Variants in SEMA3C observed in about 807,000 individuals in gnomAD.
SEMA3C encodes the protein semaphorin-3C.
In SEMA3C, 47 loss-of-function variants were observed where a neutral mutation model predicts 89.4. The ratio of observed to expected loss-of-function variants is 0.53; its 90% confidence interval spans 0.42 to 0.67. SEMA3C has a LOEUF of 0.67. Ranked by LOEUF, SEMA3C falls within the 30% of genes least tolerant of loss-of-function variation. The pLI, the probability that SEMA3C is intolerant of heterozygous loss-of-function variation, is 0.00. For missense variants in SEMA3C, 839 were observed against 929.1 expected (o/e 0.90, Z 1.26); for synonymous variants, 310 against 320.2 (o/e 0.97, Z 0.34).
chr7:80,827,406 T>G lies in SEMA3C; in HGVS notation c.327+19A>C, dbSNP rs555403726. ...TTTAAGTTAGTGTTTTTTTTTTTTTTTTTTTTTTTAACACTTACTGTGGGA... is the reference window on the plus strand; with the variant it reads ...TTTAAGTTAGTGTTTTTTTTTTTTTGTTTTTTTTTAACACTTACTGTGGGA... On this transcript the variant is annotated intron_variant, in intron 4 of 17. Coordinates refer to ENST00000265361, the MANE Select transcript of SEMA3C (RefSeq NM_006379.5). The G allele has an allele frequency of 8.7e-5, 131 of 1,498,886 alleles. No individual in the cohort carries two copies. The highest frequency in any genetic ancestry group is 1.1e-4 in the Non-Finnish European group (126 of 1,130,078). The allele number at this position is 1,498,886 out of a possible 1,614,324, so 92.8% of individuals were successfully genotyped here. A position where few individuals can be genotyped will look rare whatever the true frequency, so the allele number is the denominator to read the frequency against.
At chr7:80,851,601 G>A (rs1237309747) in intron 2 of SEMA3C, among the ~76,000 whole-genome samples, 2 of 147,486 alleles carry the variant, frequency 1.4e-5, no homozygotes, top group Non-Finnish European at 1.5e-5. Flanking sequence ...CTACCACAGA[G>A]TATGACTGAC....
chr7:80,766,036 G>A (rs1324005526), intron 12 of SEMA3C, among the ~76,000 whole-genome samples: 1 of 152,154 alleles, frequency 6.6e-6, no homozygotes, highest in Non-Finnish European at 1.5e-5. Flanking sequence ...TAAGTCACTA[G>A]GATTGGAAAA....
chr7:80,754,970 T>TTTTTTGTTTTTTGTTTTTTTG (rs1243162590), intron 15 of SEMA3C, among the ~76,000 whole-genome samples: 1 of 144,702 alleles, frequency 6.9e-6, no homozygotes, highest in Non-Finnish European at 1.5e-5. Flanking sequence ...TTTTTTTTTT[T>TTTTTTGTTTTTTGTTTTTTTG]TGTATTTTTA....
chr7:80,825,094 A>C (rs2115797286), intron 4 of SEMA3C, among the ~76,000 whole-genome samples: 1 of 152,278 alleles, frequency 6.6e-6, no homozygotes, highest in East Asian at 1.9e-4. Flanking sequence ...GTTCTTAAGT[A>C]TGTCGTTTCA....
chr7:80,919,548 T>A (rs1792368161), upstream of SEMA3C, among the ~76,000 whole-genome samples: 1 of 150,120 alleles, frequency 6.7e-6, no homozygotes, highest in Non-Finnish European at 1.5e-5. Context: ...GTTTTGTCCT[T>A]ATTCTGCTGC....
chr7:80,876,250 CATA>C (rs1791200703), intron 2 of SEMA3C, among the ~76,000 whole-genome samples: 2 of 152,200 alleles, frequency 1.3e-5, no homozygotes, highest in African/African-American at 2.4e-5. Context: ...CATCAAGCTC[CATA>C]ATAAGTGTAT....
chr7:80,753,241 G>C (rs954543077), intron 15 of SEMA3C, among the ~76,000 whole-genome samples: 1 of 152,294 alleles, frequency 6.6e-6, no homozygotes. Flanking sequence ...TAATATGGTA[G>C]TGTATTCTAG....
chr7:80,857,077 C>A (rs1040559788), intron 2 of SEMA3C, among the ~76,000 whole-genome samples: 1 of 152,142 alleles, frequency 6.6e-6, no homozygotes, highest in Admixed American at 6.6e-5. Context: ...CCTAACCTCA[C>A]AAATTTCATC....
rs1250977911 is a variant in SEMA3C, at chr7:80,794,686, TG to T, written c.1131+3405del. 2.0e-5 allele frequency among the ~76,000 whole-genome samples: 3 copies of T among 152,238 alleles called. No homozygotes were observed. The East Asian group carries it at 5.8e-4, about 29-fold the overall frequency. ...AAAGTTGAACACTTTCATTAAGTTC[TG>T]CTTTAACAGGATATACAACTATACA... On this transcript the variant is annotated intron_variant, in intron 11 of 17. Coordinates refer to ENST00000265361, the MANE Select transcript of SEMA3C (RefSeq NM_006379.5).
At position 80,798,201 on chromosome 7, in the gene SEMA3C, T is replaced by C. The variant is rs745924748; in HGVS notation, c.1022A>G (p.His341Arg). 3.2e-6 allele frequency: 5 copies of C among 1,570,134 alleles called. No homozygotes were observed. In the South Asian group the frequency reaches 3.6e-5, roughly 11 times the overall value. ...AAACACAGTCTGTATATCAGATAAATGATACACACACACGGCTGATCCTTT... is the reference window on the plus strand; with the variant it reads ...AAACACAGTCTGTATATCAGATAAACGATACACACACACGGCTGATCCTTT... The part of the protein sequence containing the change: ...VFKGSAVCVY[H>R]LSDIQTVFNG... The change falls in exon 11 of 18, where the codon CAT becomes CGT. Residue 341 changes from histidine (H) to arginine (R), a missense_variant. Physicochemically the swap from His to Arg is conservative, Grantham distance 29. Transcript: ENST00000265361.
chr7:80,749,291 C>T (rs1157337865), intron 16 of SEMA3C, among the ~76,000 whole-genome samples: 2 of 152,132 alleles, frequency 1.3e-5, no homozygotes, highest in Non-Finnish European at 2.9e-5. Flanking sequence ...AATTATTCCA[C>T]ACCAACAACT....
At position 80,811,013 on chromosome 7, in the gene SEMA3C, AT is replaced by A. The variant is rs573424588; in HGVS notation, c.448-313del. Among the ~76,000 whole-genome samples, 301 of 152,302 alleles carry A rather than the reference AT, an allele frequency of 2.0e-3. 6 individuals are homozygous for A. The highest frequency in any genetic ancestry group is 1.7e-3 in the East Asian group (9 of 5,180). On this transcript the variant is annotated intron_variant, in intron 5 of 17. Transcript: ENST00000265361. ...AAGTATTATTATAAATCTCAACTAG[AT>A]GCGTTGAACATCAGCCAAAAGAAGA...
chr7:80,783,050 C>T (rs1788724810), intron 12 of SEMA3C, among the ~76,000 whole-genome samples: 1 of 151,972 alleles, frequency 6.6e-6, no homozygotes, highest in African/African-American at 2.4e-5. Context: ...CATTATATGT[C>T]TATATCTTTA....
rs575129279 is a variant in SEMA3C at position 80,877,464 on chromosome 7, G to GA, written c.103+39214dup. Among the ~76,000 whole-genome samples, 679 of 148,930 alleles carry GA rather than the reference G, an allele frequency of 4.6e-3. 20 individuals are homozygous for GA. Among genetic ancestry groups the GA allele is most frequent in the Non-Finnish European group, 9.5e-4 (64 of 67,100 alleles). ...CAGCAGAAACACTTTCCTTTATAGTGAAAAAAAAAATTAATCTCTGTAAAG... is the reference window on the plus strand; with the variant it reads ...CAGCAGAAACACTTTCCTTTATAGTGAAAAAAAAAAATTAATCTCTGTAAAG... On this transcript the variant is annotated intron_variant, in intron 2 of 17. Transcript: ENST00000265361.
At chr7:80,875,650 C>T (rs1791182891) in intron 2 of SEMA3C, among the ~76,000 whole-genome samples, 1 of 152,008 alleles carries the variant, frequency 6.6e-6, no homozygotes. Context: ...ATGCTTTTGT[C>T]GAGCATATCC....
intron 2 of SEMA3C, among the ~76,000 whole-genome samples, chr7:80,856,701 T>A (rs1037476416): frequency 1.3e-5 from 2 of 152,098 alleles, no homozygotes; most frequent in South Asian, 4.1e-4. Context: ...TATTTCATTA[T>A]CTTACCAACA....
At chr7:80,774,217 TATA>T (rs1175419782) in intron 12 of SEMA3C, among the ~76,000 whole-genome samples, 3 of 152,112 alleles carry the variant, frequency 2.0e-5, no homozygotes, top group African/African-American at 7.2e-5. Context: ...AAGTGCTTGC[TATA>T]ATAAGAATGA....
At chr7:80,876,721 TATAAA>T (rs1791212357) in intron 2 of SEMA3C, among the ~76,000 whole-genome samples, 1 of 152,252 alleles carries the variant, frequency 6.6e-6, no homozygotes, top group African/African-American at 2.4e-5. Flanking sequence ...GCCTCTGCAT[TATAAA>T]ATAAAGCCCT....
At chr7:80,749,083 A>C in intron 16 of SEMA3C, 55 bp from the exon 17 acceptor site, 1 of 1,525,878 alleles carries the variant, frequency 6.6e-7, no homozygotes, top group Non-Finnish European at 8.8e-7. Flanking sequence ...CTGAATTTAG[A>C]GCACATTCTC....
Sources: gnomAD v4.1 joint callset for allele counts (sites outside exome capture counted in the v4.1 genomes callset) on GRCh38, gnomAD v4.1.1 for gene constraint, MANE v1.5 for transcripts, NCBI Gene and HGNC (gene_info 2026-07-23, HGNC 2026-07-21) for gene names.